FOXK1: variants seen among roughly 807,000 people sequenced by gnomAD.
FOXK1 encodes the protein forkhead box protein K1.
Under a neutral mutation model 51.9 loss-of-function variants are expected in FOXK1, and 19 were observed. That is an observed-to-expected ratio of 0.37 (90% CI 0.26 to 0.54). The LOEUF is 0.54. Ranked by LOEUF, FOXK1 falls within the 20% of genes least tolerant of loss-of-function variation. The pLI, the probability that FOXK1 is intolerant of heterozygous loss-of-function variation, is 0.87. For synonymous variants in FOXK1, 537 were observed against 482.6 expected (o/e 1.11, Z -1.48); for missense variants, 870 against 1,032.7 (o/e 0.84, Z 2.16).
intron 1 of FOXK1, among the ~76,000 whole-genome samples, chr7:4,721,387 G>T (rs1348563637): frequency 6.6e-6 from 1 of 152,054 alleles, no homozygotes; most frequent in Non-Finnish European, 1.5e-5. Flanking sequence ...ACCATTCCCT[G>T]CGACCCCCAG....
chr7:4,744,056 T>A (rs1780669940), intron 2 of FOXK1, among the ~76,000 whole-genome samples: 1 of 152,016 alleles, frequency 6.6e-6, no homozygotes, highest in African/African-American at 2.4e-5. Flanking sequence ...TTTGTGTGTT[T>A]TTAGTAGAGA....
chr7:4,694,788 G>A (rs1779932612), intron 1 of FOXK1, among the ~76,000 whole-genome samples: 1 of 152,204 alleles, frequency 6.6e-6, no homozygotes, highest in South Asian at 2.1e-4. Context: ...TGTCAGCAGA[G>A]ACCGTCTCAT....
In FOXK1 at chr7:4,762,486, G is replaced by T. The variant is rs1324696340; in HGVS notation, c.*22G>T. The stretch of plus-strand genomic sequence containing the variant: ...GTGAGGTCACCTGCAACGCGGGGGA[G>T]TGGGACTCACCCAGCGGCGACCCCG... On this transcript the variant is annotated 3_prime_UTR_variant, in exon 9 of 9. Transcript: ENST00000328914. This position sits in a 1 kb window ranked among gnomAD's most constrained non-coding sequence, Gnocchi z 5.7. 1 of 1,531,938 alleles carries T rather than the reference G, an allele frequency of 6.5e-7. No homozygotes were observed. Among genetic ancestry groups the T allele is most frequent in the Non-Finnish European group, 8.8e-7 (1 of 1,134,804 alleles). The allele number at this position is 1,531,938 out of a possible 1,614,324, so 94.9% of individuals were successfully genotyped here. A position where few individuals can be genotyped will look rare whatever the true frequency, so the allele number is the denominator to read the frequency against.
rs1780544789 is a variant in FOXK1, at chr7:4,735,770, C to G, written c.561-5068C>G. Among the ~76,000 whole-genome samples the G allele has an allele frequency of 6.6e-6, 1 of 152,202 alleles. No homozygotes were observed. Among genetic ancestry groups the G allele is most frequent in the South Asian group, 2.1e-4 (1 of 4,836 alleles). On this transcript the variant is annotated intron_variant, in intron 1 of 8. Coordinates refer to ENST00000328914, the MANE Select transcript of FOXK1 (RefSeq NM_001037165.2). The surrounding 1 kb of genome is among the most constrained non-coding windows in gnomAD (Gnocchi z 4.7). ...CTTCACGATGCAAAACGTGCTCGTTCAGACTCCAGCTAGAGCCCTGCACCT... is the reference window on the plus strand; with the variant it reads ...CTTCACGATGCAAAACGTGCTCGTTGAGACTCCAGCTAGAGCCCTGCACCT...
rs1317463864 is a variant in FOXK1, at chr7:4,767,996, C to G, written c.*5532C>G. 1 of 152,142 alleles carries G rather than the reference C, an allele frequency of 6.6e-6. No homozygotes were observed. Among genetic ancestry groups the G allele is most frequent in the Non-Finnish European group, 1.5e-5 (1 of 68,062 alleles). 9.4% of individuals were successfully genotyped at this position (152,142 alleles called of 1,614,324 possible). On this transcript the variant is annotated 3_prime_UTR_variant, in exon 9 of 9. Transcript: ENST00000328914. This position sits in a 1 kb window ranked among gnomAD's most constrained non-coding sequence, Gnocchi z 6.6. ...CCCATTAGAGCTGCTGCGTCCTTTCCTCTGTCCTCCCTGTCACCCAAACCC... is the reference window on the plus strand; with the variant it reads ...CCCATTAGAGCTGCTGCGTCCTTTCGTCTGTCCTCCCTGTCACCCAAACCC...
chr7:4,716,448 G>A (rs543225377), intron 1 of FOXK1, among the ~76,000 whole-genome samples: 4 of 152,228 alleles, frequency 2.6e-5, no homozygotes, highest in South Asian at 2.1e-4. Flanking sequence ...CAGGGCTGCC[G>A]TAAGCTATGA....
chr7:4,763,926 C>T lies in FOXK1; in HGVS notation c.*1462C>T, dbSNP rs990046536. ...CCACAACGAGAAACAGCGACAGATT[C>T]GACGCAGAGCTCCGGAAGTGCCTGA... On this transcript the variant is annotated 3_prime_UTR_variant, in exon 9 of 9. Transcript: ENST00000328914. 5.9e-5 allele frequency: 9 copies of T among 152,216 alleles called. No individual in the cohort carries two copies. The highest frequency in any genetic ancestry group is 4.6e-4 in the Admixed American group (7 of 15,290). 9.4% of individuals were successfully genotyped at this position (152,216 alleles called of 1,614,324 possible). A position where few individuals can be genotyped will look rare whatever the true frequency, so the allele number is the denominator to read the frequency against.
rs563750952 is a variant in FOXK1, at chr7:4,748,263, G to A, written c.747-6196G>A. Among the ~76,000 whole-genome samples the A allele has an allele frequency of 9.9e-5, 15 of 152,242 alleles. No individual in the cohort carries two copies. Among genetic ancestry groups the A allele is most frequent in the South Asian group, 2.1e-4 (1 of 4,824 alleles). Reference sequence around the variant, plus strand: ...CTGTGTCTCTGAGTCGTATTCGTACGTGACTGTCTCTTGGTTTTTCCGTTT... The same window carrying A: ...CTGTGTCTCTGAGTCGTATTCGTACATGACTGTCTCTTGGTTTTTCCGTTT... On this transcript the variant is annotated intron_variant, in intron 2 of 8. Transcript: ENST00000328914. The surrounding 1 kb of genome is among the most constrained non-coding windows in gnomAD (Gnocchi z 4.9).
At chr7:4,719,613 C>A (rs1360589623) in intron 1 of FOXK1, among the ~76,000 whole-genome samples, 1 of 152,176 alleles carries the variant, frequency 6.6e-6, no homozygotes, top group Non-Finnish European at 1.5e-5. Flanking sequence ...TCCTGAGTAG[C>A]TGGGACTACA....
At chr7:4,721,980 C>T (rs984597914) in intron 1 of FOXK1, among the ~76,000 whole-genome samples, 8 of 152,200 alleles carry the variant, frequency 5.3e-5, no homozygotes, top group African/African-American at 1.7e-4. Flanking sequence ...GTAACGGGGA[C>T]GCGCACAGCC....
chr7:4,729,976 C>T lies in FOXK1; in HGVS notation c.561-10862C>T, dbSNP rs1048085703. 6.6e-5 allele frequency among the ~76,000 whole-genome samples: 10 copies of T among 151,914 alleles called. No individual in the cohort carries two copies. The highest frequency in any genetic ancestry group is 1.9e-4 in the East Asian group (1 of 5,164). On this transcript the variant is annotated intron_variant, in intron 1 of 8. Transcript: ENST00000328914. The surrounding 1 kb of genome is among the most constrained non-coding windows in gnomAD (Gnocchi z 6.2). Reference sequence around the variant, plus strand: ...CTGCCCTCCAGCCTGGGCGACAGAGCGAGACTCTGTCGAAACAATTTAAAT... The same window carrying T: ...CTGCCCTCCAGCCTGGGCGACAGAGTGAGACTCTGTCGAAACAATTTAAAT...
In FOXK1 at chr7:4,766,949, A is replaced by C. The variant is rs936153393; in HGVS notation, c.*4485A>C. 1 of 152,256 alleles carries C rather than the reference A, an allele frequency of 6.6e-6. No individual in the cohort carries two copies. Among genetic ancestry groups the C allele is most frequent in the Non-Finnish European group, 1.5e-5 (1 of 68,062 alleles). 9.4% of individuals were successfully genotyped at this position (152,256 alleles called of 1,614,324 possible). A position where few individuals can be genotyped will look rare whatever the true frequency, so the allele number is the denominator to read the frequency against. ...GAAGCTTTTCCTTGGCTTTGAAATC[A>C]GTGTTTTTATGGAGACAAAGAACAG... On this transcript the variant is annotated 3_prime_UTR_variant, in exon 9 of 9. Transcript: ENST00000328914. This position sits in a 1 kb window ranked among gnomAD's most constrained non-coding sequence, Gnocchi z 5.5.
Position 4,762,782 on chromosome 7 carries a change from T to A in FOXK1, c.*318T>A. ...ATGGGGAGGAGGTTGGAGCTCAGCA[T>A]CTTGAGGAATGTGTCAAGACAGCCC... On this transcript the variant is annotated 3_prime_UTR_variant, in exon 9 of 9. Transcript: ENST00000328914. The surrounding 1 kb of genome is among the most constrained non-coding windows in gnomAD (Gnocchi z 5.7). 1 of 350,010 alleles carries A rather than the reference T, an allele frequency of 2.9e-6. No individual in the cohort carries two copies. The allele number at this position is 350,010 out of a possible 1,614,324, so 21.7% of individuals were successfully genotyped here. A position where few individuals can be genotyped will look rare whatever the true frequency, so the allele number is the denominator to read the frequency against.
At chr7:4,737,225 T>G (rs185261372) in intron 1 of FOXK1, among the ~76,000 whole-genome samples, 24 of 152,200 alleles carry the variant, frequency 1.6e-4, no homozygotes, top group Non-Finnish European at 2.9e-4. Context: ...GATCCCATAT[T>G]AACATAGGGA....
intron 1 of FOXK1, among the ~76,000 whole-genome samples, chr7:4,717,481 G>T (rs557027237): frequency 6.7e-6 from 1 of 148,638 alleles, no homozygotes; most frequent in East Asian, 2.0e-4. Context: ...TGGCTGGGAG[G>T]CATGTGGCTG....
chr7:4,686,523 C>CCCAGG (rs1472452321), intron 1 of FOXK1, among the ~76,000 whole-genome samples: 3 of 152,178 alleles, frequency 2.0e-5, no homozygotes, highest in African/African-American at 7.2e-5. Context: ...CGCCAGAGCT[C>CCCAGG]CCAGGCACAG....
chr7:4,744,445 G>C (rs995200563), intron 2 of FOXK1, among the ~76,000 whole-genome samples: 1 of 152,116 alleles, frequency 6.6e-6, no homozygotes, highest in African/African-American at 2.4e-5. Flanking sequence ...TCATTGTTTC[G>C]ATCTTCCTGT....
chr7:4,762,835 C>T lies in FOXK1; in HGVS notation c.*371C>T. ...CCGCTCCGCGCTGCACGGCCAGCCG[C>T]CTTTGTCCGGGAGGACAGACAGAAA... On this transcript the variant is annotated 3_prime_UTR_variant, in exon 9 of 9. Transcript: ENST00000328914. This position sits in a 1 kb window ranked among gnomAD's most constrained non-coding sequence, Gnocchi z 5.7. 1 of 209,250 alleles carries T rather than the reference C, an allele frequency of 4.8e-6. No homozygotes were observed. Among genetic ancestry groups the T allele is most frequent in the South Asian group, 9.7e-5 (1 of 10,344 alleles). The allele number at this position is 209,250 out of a possible 1,614,324, so 13.0% of individuals were successfully genotyped here.
At position 4,756,793 on chromosome 7, in the gene FOXK1, T is replaced by C. The variant is rs969883635; in HGVS notation, c.1051-201T>C. 1.6e-4 allele frequency among the ~76,000 whole-genome samples: 24 copies of C among 151,022 alleles called. No homozygotes were observed. In the East Asian group the frequency reaches 3.3e-3, roughly 21 times the overall value. Reference sequence around the variant, plus strand: ...AAAAAAAAAGGTAAAATGGTAATTATGCGGTGTCAAATTTTGATAGGAATG... The same window carrying C: ...AAAAAAAAAGGTAAAATGGTAATTACGCGGTGTCAAATTTTGATAGGAATG... On this transcript the variant is annotated intron_variant, in intron 4 of 8. Coordinates refer to ENST00000328914, the MANE Select transcript of FOXK1 (RefSeq NM_001037165.2). The surrounding 1 kb of genome is among the most constrained non-coding windows in gnomAD (Gnocchi z 4.1).
Sources: gnomAD v4.1 joint callset for allele counts (sites outside exome capture counted in the v4.1 genomes callset) on GRCh38, gnomAD v4.1.1 for gene constraint, Gnocchi (gnomAD v3.1) non-coding constraint, MANE v1.5 for transcripts, NCBI Gene and HGNC (gene_info 2026-07-23, HGNC 2026-07-21) for gene names.